The following GALNTL6 variants were observed in gnomAD, a reference collection of about 807,000 sequenced individuals.
GALNTL6 encodes polypeptide N-acetylgalactosaminyltransferase-like 6.
In GALNTL6, 46 loss-of-function variants were observed where a neutral mutation model predicts 73.7. The ratio of observed to expected loss-of-function variants is 0.62; its 90% CI spans 0.49 to 0.80. The LOEUF is 0.80. GALNTL6 is among the 30% of genes least tolerant of loss of function. The probability of loss-of-function intolerance (pLI) is 0.00; values close to 1 mark genes in which losing one functional copy is unlikely to be tolerated. For synonymous variants in GALNTL6, 259 were observed against 263.7 expected (o/e 0.98, Z 0.17); for missense variants, 604 against 755.0 (o/e 0.80, Z 2.34).
chr4:172,144,346 T>C (rs1014480589), intron 2 of GALNTL6, among the ~76,000 whole-genome samples: 2 of 152,202 alleles, frequency 1.3e-5, no homozygotes, highest in Non-Finnish European at 2.9e-5. Flanking sequence ...TACCAGCTGA[T>C]AATTTACTAA....
intron 2 of GALNTL6, among the ~76,000 whole-genome samples, chr4:171,919,999 A>G (rs1737738008): frequency 6.6e-6 from 1 of 152,220 alleles, no homozygotes; most frequent in Admixed American, 6.5e-5. Flanking sequence ...AAAGACTTGG[A>G]ACCAACCCAA....
At chr4:172,346,705 A>G (rs1489597156) in intron 4 of GALNTL6, among the ~76,000 whole-genome samples, 1 of 152,150 alleles carries the variant, frequency 6.6e-6, no homozygotes, top group African/African-American at 2.4e-5. Flanking sequence ...TTTTATCTCA[A>G]CTTTGGAGCC....
At chr4:172,131,520 A>G (rs1733497915) in intron 2 of GALNTL6, among the ~76,000 whole-genome samples, 1 of 149,392 alleles carries the variant, frequency 6.7e-6, no homozygotes. Flanking sequence ...GTGCATATAT[A>G]TACACACACA....
intron 8 of GALNTL6, 53 bp from the exon 9 acceptor site, chr4:172,931,108 C>G (rs550254341): frequency 1.0e-6 from 1 of 956,610 alleles, no homozygotes; most frequent in Non-Finnish European, 1.7e-6. Flanking sequence ...ACTGATTATT[C>G]CTTTCTTGTG....
chr4:172,047,317 C>A (rs780316996), intron 2 of GALNTL6, among the ~76,000 whole-genome samples: 2 of 151,982 alleles, frequency 1.3e-5, no homozygotes. Flanking sequence ...ATATATGCTA[C>A]GGAAGTATAC....
At chr4:171,963,084 TA>T (rs1265179250) in intron 2 of GALNTL6, among the ~76,000 whole-genome samples, 18 of 140,724 alleles carry the variant, frequency 1.3e-4, no homozygotes, top group Non-Finnish European at 2.9e-4. Flanking sequence ...TTTTTTTTTT[TA>T]AAGAGAAACA....
At chr4:172,745,430 C>CAT (rs960280899) in intron 5 of GALNTL6, among the ~76,000 whole-genome samples, 20 of 107,414 alleles carry the variant, frequency 1.9e-4, no homozygotes, top group Admixed American at 5.1e-4. Flanking sequence ...CTTTTCAAAA[C>CAT]ATATATATAT....
intron 7 of GALNTL6, among the ~76,000 whole-genome samples, chr4:172,852,949 C>T (rs987472125): frequency 2.6e-5 from 4 of 152,126 alleles, no homozygotes; most frequent in African/African-American, 7.2e-5. Flanking sequence ...AAAATTAACA[C>T]TTATTGAACA....
chr4:172,694,162 A>G (rs1241493736), intron 5 of GALNTL6, among the ~76,000 whole-genome samples: 1 of 151,590 alleles, frequency 6.6e-6, no homozygotes, highest in Non-Finnish European at 1.5e-5. Context: ...GTTCTGGGAT[A>G]CATGTGCAGA....
At chr4:172,133,158 T>C (rs1426293877) in intron 2 of GALNTL6, among the ~76,000 whole-genome samples, 1 of 152,200 alleles carries the variant, frequency 6.6e-6, no homozygotes, top group East Asian at 1.9e-4. Flanking sequence ...GTCCATTAGA[T>C]CGTTAGTTAA....
Position 172,606,573 on chromosome 4 carries a change from A to G in GALNTL6, c.554-202788A>G, listed in dbSNP as rs1179230471. The stretch of plus-strand genomic sequence containing the variant: ...TGTATATATATATATATACATATAC[A>G]TAGTATATGTATATATATACACATA... On this transcript the variant is annotated intron_variant, in intron 5 of 12. Transcript: ENST00000506823. Among the ~76,000 whole-genome samples the G allele has an allele frequency of 7.8e-5, 11 of 141,442 alleles. No individual in the cohort carries two copies. The East Asian group carries it at 2.2e-3, about 28-fold the overall frequency. The allele number at this position is 141,442 out of a possible 152,430, so 92.8% of individuals were successfully genotyped here.
intron 2 of GALNTL6, among the ~76,000 whole-genome samples, chr4:172,074,925 T>C (rs1420233552): frequency 6.6e-6 from 1 of 152,168 alleles, no homozygotes; most frequent in Admixed American, 6.5e-5. Context: ...ACCTGTGTAA[T>C]GGTACTTTTG....
At chr4:172,351,362 C>T (rs1313085334) in intron 5 of GALNTL6, among the ~76,000 whole-genome samples, 1 of 151,856 alleles carries the variant, frequency 6.6e-6, no homozygotes, top group Non-Finnish European at 1.5e-5. Context: ...CCAATATGGC[C>T]AATAAGCTAC....
intron 9 of GALNTL6, among the ~76,000 whole-genome samples, chr4:172,935,500 T>A (rs183317646): frequency 1.2e-4 from 19 of 152,146 alleles, no homozygotes; most frequent in Middle Eastern, 3.4e-3. Flanking sequence ...GGAGCTGGTT[T>A]TTTGAAAAGA....
chr4:172,481,188 C>G (rs934756889), intron 5 of GALNTL6, among the ~76,000 whole-genome samples: 1 of 151,630 alleles, frequency 6.6e-6, no homozygotes, highest in Non-Finnish European at 1.5e-5. Context: ...CAGACCTTCA[C>G]GATGAGTGTT....
chr4:171,911,838 C>A (rs1321716348), intron 2 of GALNTL6, among the ~76,000 whole-genome samples: 1 of 152,022 alleles, frequency 6.6e-6, no homozygotes, highest in Non-Finnish European at 1.5e-5. Flanking sequence ...TTAATTGGAG[C>A]ATTCCAATTT....
intron 5 of GALNTL6, among the ~76,000 whole-genome samples, chr4:172,684,052 C>T (rs981638870): frequency 6.6e-6 from 1 of 152,176 alleles, no homozygotes; most frequent in African/African-American, 2.4e-5. Context: ...AAGGATAGAT[C>T]GCTGTCCATT....
intron 2 of GALNTL6, among the ~76,000 whole-genome samples, chr4:171,903,086 A>T (rs1301800415): frequency 6.6e-6 from 1 of 152,160 alleles, no homozygotes; most frequent in Non-Finnish European, 1.5e-5. Flanking sequence ...GGAAGTACTT[A>T]AGAACTTAAA....
intron 2 of GALNTL6, among the ~76,000 whole-genome samples, chr4:172,184,638 T>C (rs2110863243): frequency 6.6e-6 from 1 of 152,344 alleles, no homozygotes; most frequent in South Asian, 2.1e-4. Context: ...TATCAGTTTC[T>C]AAAAACATTT....
Sources: allele counts gnomAD v4.1 joint callset (sites outside exome capture counted in the v4.1 genomes callset), GRCh38; gene constraint gnomAD v4.1.1; transcripts MANE v1.5; gene names NCBI Gene and HGNC (gene_info 2026-07-23, HGNC 2026-07-21).